The following PCDH9 variants were observed in gnomAD, a reference collection of about 807,000 sequenced individuals.
The protein encoded by PCDH9 is protocadherin 9.
In PCDH9, 24 loss-of-function variants were observed where a neutral mutation model predicts 70.6. That is an observed-to-expected ratio of 0.34 (90% confidence interval 0.25 to 0.48). The LOEUF (loss-of-function observed/expected upper bound fraction) is 0.48. PCDH9 is among the 20% of genes least tolerant of loss of function. The probability of loss-of-function intolerance (pLI) is 0.99; values close to 1 mark genes in which losing one functional copy is unlikely to be tolerated. For synonymous variants in PCDH9, 562 were observed against 558.5 expected (o/e 1.01, Z -0.09); for missense variants, 1,281 against 1,503.6 (o/e 0.85, Z 2.45).
chr13:67,039,185 T>C (rs967496535), intron 2 of PCDH9, among the ~76,000 whole-genome samples: 3 of 152,182 alleles, frequency 2.0e-5, no homozygotes, highest in Non-Finnish European at 2.9e-5. Flanking sequence ...CTGGTTCAAC[T>C]TTTGTGTAAC....
At chr13:67,033,273 A>T (rs2084943371) in intron 2 of PCDH9, among the ~76,000 whole-genome samples, 1 of 152,182 alleles carries the variant, frequency 6.6e-6, no homozygotes, top group Admixed American at 6.6e-5. Flanking sequence ...CTGCAGAGAA[A>T]GTCAATGTTG....
At chr13:66,861,208 G>A (rs1035501168) in intron 3 of PCDH9, among the ~76,000 whole-genome samples, 7 of 152,116 alleles carry the variant, frequency 4.6e-5, no homozygotes, top group Non-Finnish European at 8.8e-5. Flanking sequence ...GGATAATATC[G>A]AGTTAAGTGC....
intron 2 of PCDH9, among the ~76,000 whole-genome samples, chr13:66,992,559 T>C (rs919709299): frequency 6.6e-6 from 1 of 152,172 alleles, no homozygotes; most frequent in African/African-American, 2.4e-5. Context: ...GACGAGCTCT[T>C]TTAATTTTGC....
At chr13:67,142,657 T>C (rs887159154) in intron 2 of PCDH9, among the ~76,000 whole-genome samples, 8 of 152,088 alleles carry the variant, frequency 5.3e-5, no homozygotes, top group Non-Finnish European at 7.4e-5. Context: ...TGAATTCAAA[T>C]AAATGCCAGG....
chr13:66,474,790 C>A (rs1002625553), intron 4 of PCDH9, among the ~76,000 whole-genome samples: 2 of 152,162 alleles, frequency 1.3e-5, no homozygotes, highest in South Asian at 4.1e-4. Context: ...GTCACTACAA[C>A]CTACTCTCTC....
chr13:67,034,062 G>A (rs1370486993), intron 2 of PCDH9, among the ~76,000 whole-genome samples: 1 of 152,128 alleles, frequency 6.6e-6, no homozygotes, highest in African/African-American at 2.4e-5. Context: ...TTGGCTCACT[G>A]CAACCTCCAC....
intron 4 of PCDH9, among the ~76,000 whole-genome samples, chr13:66,386,989 C>T (rs1298453704): frequency 1.3e-5 from 2 of 152,078 alleles, no homozygotes; most frequent in African/African-American, 4.8e-5. Flanking sequence ...AATTTACTGA[C>T]CTCTGAGACA....
chr13:66,903,545 T>G lies in PCDH9; in HGVS notation c.3097A>C (p.Thr1033Pro). The G allele has an allele frequency of 1.3e-6, 2 of 1,584,272 alleles. No individual in the cohort carries two copies. The highest frequency in any genetic ancestry group is 1.7e-6 in the Non-Finnish European group (2 of 1,154,128). Reference protein sequence around the residue: ...PVTPQKCPSSTGFHIQENEES... With the variant: ...PVTPQKCPSSPGFHIQENEES... The stretch of plus-strand genomic sequence containing the variant: ...TCATTCTCCTGAATGTGGAAACCCG[T>G]GGAGCTGGGACATTTCTGAGGAGTG... Residue 1033 changes from threonine (T) to proline (P), a missense_variant, in exon 3 of 5, where the codon ACG becomes CCG. Physicochemically the swap from Thr to Pro is conservative, Grantham distance 38. Transcript: ENST00000377865.
intron 2 of PCDH9, among the ~76,000 whole-genome samples, chr13:67,056,797 C>T (rs9529177): frequency 0.4 from 60,979 of 151,814 alleles, 12,922 homozygotes; most frequent in East Asian, 0.64. Context: ...GATGCTTTAT[C>T]ATCATCATGA....
At chr13:67,123,144 T>G (rs1194883555) in intron 2 of PCDH9, among the ~76,000 whole-genome samples, 1 of 152,226 alleles carries the variant, frequency 6.6e-6, no homozygotes, top group African/African-American at 2.4e-5. Context: ...TCTAGGCATG[T>G]TATAGCAAAT....
At chr13:66,664,115 G>A (rs531391637) in intron 3 of PCDH9, among the ~76,000 whole-genome samples, 1 of 152,188 alleles carries the variant, frequency 6.6e-6, no homozygotes, top group Admixed American at 6.5e-5. Context: ...TATACTAATT[G>A]GCCTACAGTA....
At chr13:67,005,956 G>A (rs1050180380) in intron 2 of PCDH9, among the ~76,000 whole-genome samples, 1 of 152,198 alleles carries the variant, frequency 6.6e-6, no homozygotes, top group African/African-American at 2.4e-5. Context: ...GCCAGGCGCG[G>A]CGGCTCACGC....
intron 2 of PCDH9, among the ~76,000 whole-genome samples, chr13:67,012,153 A>T (rs1163564206): frequency 6.6e-6 from 1 of 151,624 alleles, no homozygotes; most frequent in Non-Finnish European, 1.5e-5. Flanking sequence ...TTAATGTTTT[A>T]TTCAAAGAAC....
chr13:67,217,394 T>C (rs1296583395), intron 2 of PCDH9: 1 of 152,098 alleles, frequency 6.6e-6, no homozygotes, highest in African/African-American at 2.4e-5. Context: ...GTGGGCTGCA[T>C]ATGGATTACA....
chr13:66,806,055 CA>C (rs1449088805), intron 3 of PCDH9, among the ~76,000 whole-genome samples: 11 of 151,962 alleles, frequency 7.2e-5, no homozygotes, highest in Non-Finnish European at 1.0e-4. Flanking sequence ...AGTTCTAATC[CA>C]GGGGGGAAAT....
At chr13:66,448,496 G>T (rs544748059) in intron 4 of PCDH9, among the ~76,000 whole-genome samples, 58 of 152,298 alleles carry the variant, frequency 3.8e-4, no homozygotes, top group African/African-American at 1.3e-3. Flanking sequence ...AAAATCCTAG[G>T]ATTAAAGAGA....
chr13:67,077,949 T>C (rs1267695992), intron 2 of PCDH9, among the ~76,000 whole-genome samples: 1 of 152,204 alleles, frequency 6.6e-6, no homozygotes, highest in African/African-American at 2.4e-5. Context: ...AACTTTTCCA[T>C]CTTTCCATTT....
chr13:66,640,530 G>GACACAC lies in PCDH9; in HGVS notation c.3139-9125_3139-9120dup, dbSNP rs10579281. 4.7e-3 allele frequency among the ~76,000 whole-genome samples: 695 copies of GACACAC among 149,378 alleles called. 17 individuals carry two copies. The East Asian group carries it at 0.079, about 17-fold the overall frequency. On this transcript the variant is annotated intron_variant, in intron 3 of 4. Coordinates refer to ENST00000377865, the MANE Select transcript of PCDH9 (RefSeq NM_203487.3). ...TTAAACAGTCACGCACCCATGCAAA[G>GACACAC]ACACACACACACACACACACACACA...
At chr13:67,076,929 G>A (rs3920646) in intron 2 of PCDH9, among the ~76,000 whole-genome samples, 138,378 of 152,136 alleles carry the variant, frequency 0.91, 63,026 homozygotes, top group Middle Eastern at 0.93. Flanking sequence ...AGTTTTTAAC[G>A]TCTGATTATG....
Sources: gnomAD v4.1 joint callset for allele counts (sites outside exome capture counted in the v4.1 genomes callset) on GRCh38, gnomAD v4.1.1 for gene constraint, MANE v1.5 for transcripts, NCBI Gene and HGNC (gene_info 2026-07-23, HGNC 2026-07-21) for gene names.